Variants in DPP6 observed in about 807,000 individuals in gnomAD.
The protein encoded by DPP6 is A-type potassium channel modulatory protein DPP6.
DPP6 carries 69 observed loss-of-function variants against 122.6 expected under a neutral mutation model. The ratio of observed to expected loss-of-function variants is 0.56; its 90% CI spans 0.46 to 0.69. The LOEUF is 0.69. Among genes scored for constraint, DPP6 ranks in the 30% least tolerant of loss-of-function variants. The pLI, the probability that DPP6 is intolerant of heterozygous loss-of-function variation, is 0.00. For synonymous variants in DPP6, 418 were observed against 433.1 expected, an observed-to-expected ratio of 0.97 and a Z score of 0.43; for missense variants, 928 against 1,116.9, an observed-to-expected ratio of 0.83 and a Z score of 2.41.
At chr7:154,402,499 C>CA (rs1331224610) in intron 1 of DPP6, among the ~76,000 whole-genome samples, 1 of 148,002 alleles carries the variant, frequency 6.8e-6, no homozygotes, top group East Asian at 2.0e-4. Context: ...ATCGCAAGAA[C>CA]AAAAAACCAA....
chr7:153,784,398 C>T, the DPP6 span, among the ~76,000 whole-genome samples: 1 of 152,106 alleles, frequency 6.6e-6, no homozygotes, highest in Non-Finnish European at 1.5e-5. Context: ...GTTTATTCAG[C>T]CTTGTCCATT....
At chr7:154,652,036 C>T (rs1185374765) in intron 6 of DPP6, among the ~76,000 whole-genome samples, 1 of 152,146 alleles carries the variant, frequency 6.6e-6, no homozygotes, top group Non-Finnish European at 1.5e-5. Context: ...AGGTTGAGCT[C>T]TGTAGTGCGT....
intron 1 of DPP6, among the ~76,000 whole-genome samples, chr7:154,396,582 T>C (rs1039469578): frequency 6.6e-6 from 1 of 152,202 alleles, no homozygotes; most frequent in Non-Finnish European, 1.5e-5. Context: ...AGGATTGTAA[T>C]GAAGATTAAA....
At chr7:154,011,343 G>T (rs1030120445) in intron 1 of DPP6, among the ~76,000 whole-genome samples, 2 of 152,124 alleles carry the variant, frequency 1.3e-5, no homozygotes, top group African/African-American at 4.8e-5. Flanking sequence ...TTCAGCTGGC[G>T]TTTGCATCAG....
chr7:153,802,584 C>T, the DPP6 span, among the ~76,000 whole-genome samples: 2 of 152,098 alleles, frequency 1.3e-5, no homozygotes, highest in African/African-American at 4.8e-5. Flanking sequence ...CAAGTTATTA[C>T]ACTCCTTTAC....
intron 11 of DPP6, among the ~76,000 whole-genome samples, chr7:154,795,362 T>C: frequency 6.6e-6 from 1 of 152,316 alleles, no homozygotes; most frequent in Non-Finnish European, 1.5e-5. Flanking sequence ...CATAGACCAC[T>C]GTGAGACCCA....
intron 1 of DPP6, among the ~76,000 whole-genome samples, chr7:154,141,495 A>G (rs1795842181): frequency 6.6e-6 from 1 of 152,222 alleles, no homozygotes; most frequent in South Asian, 2.1e-4. Flanking sequence ...GTAGCTGCTC[A>G]GTACATACCA....
chr7:154,021,955 C>T (rs1798722661), intron 1 of DPP6, among the ~76,000 whole-genome samples: 1 of 152,170 alleles, frequency 6.6e-6, no homozygotes, highest in Non-Finnish European at 1.5e-5. Flanking sequence ...CTGGGCATCC[C>T]ATTGGCCGGT....
chr7:154,889,406 A>G (rs1204825145), intron 24 of DPP6, 51 bp from the exon 25 acceptor site: 6 of 1,601,556 alleles, frequency 3.7e-6, no homozygotes, highest in Admixed American at 3.4e-5. Flanking sequence ...TGATGGCACC[A>G]TGGGTTTTAA....
rs548243168 is a variant in DPP6, at chr7:154,172,595, CT to C, written c.243+119541del. 2.7e-3 allele frequency among the ~76,000 whole-genome samples: 391 copies of C among 145,170 alleles called. 2 individuals carry two copies. Among genetic ancestry groups the C allele is most frequent in the Non-Finnish European group, 4.2e-3 (283 of 67,086 alleles). ...CAAATGCAATTGTCTCTTCTAAAGT[CT>C]TTTTTTTTCTTTTTTTTTTTTTTTG... On this transcript the variant is annotated intron_variant, in intron 1 of 25. Transcript: ENST00000377770.
chr7:153,924,465 CAAT>C (rs1253625500), intron 1 of DPP6, among the ~76,000 whole-genome samples: 4 of 152,170 alleles, frequency 2.6e-5, no homozygotes, highest in East Asian at 1.9e-4. Flanking sequence ...ATGATGATGA[CAAT>C]GATGATGAAA....
At chr7:154,177,691 T>G (rs1797875291) in intron 1 of DPP6, among the ~76,000 whole-genome samples, 1 of 152,228 alleles carries the variant, frequency 6.6e-6, no homozygotes, top group South Asian at 2.1e-4. Context: ...TGGACTGGTC[T>G]TGAAGGAATG....
At position 154,877,299 on chromosome 7, in the gene DPP6, G is replaced by A. The variant is rs561619070; in HGVS notation, c.2078+1199G>A. 7.2e-5 allele frequency among the ~76,000 whole-genome samples: 11 copies of A among 152,246 alleles called. No individual in the cohort carries two copies. Among genetic ancestry groups the A allele is most frequent in the Non-Finnish European group, 1.6e-4 (11 of 68,016 alleles). ...CTTCAGAAACCCGTGTTGCAGCTGGGAAATACGGAGCGGGAGAGCTCTCAG... is the reference window on the plus strand; with the variant it reads ...CTTCAGAAACCCGTGTTGCAGCTGGAAAATACGGAGCGGGAGAGCTCTCAG... On this transcript the variant is annotated intron_variant, in intron 20 of 25. Transcript: ENST00000377770. The surrounding 1 kb of genome is among the most constrained non-coding windows in gnomAD (Gnocchi z 5.2).
rs771771598 is a variant in DPP6 at position 153,926,739 on chromosome 7, C to A, written c.51+39005C>A. Reference sequence around the variant, plus strand: ...AATCACTTGCCGATTAGAATTTCTCCCTATGTAGCATTCCATGAAATAAAC... The same window carrying A: ...AATCACTTGCCGATTAGAATTTCTCACTATGTAGCATTCCATGAAATAAAC... On this transcript the variant is annotated intron_variant, in intron 1 of 25. Coordinates refer to the DPP6 transcript ENST00000404039. 8.6e-5 allele frequency among the ~76,000 whole-genome samples: 13 copies of A among 151,828 alleles called. No individual in the cohort carries two copies. The South Asian group carries it at 1.2e-3, about 15-fold the overall frequency.
chr7:154,054,685 G>T (rs922218655), intron 1 of DPP6, among the ~76,000 whole-genome samples: 6 of 151,462 alleles, frequency 4.0e-5, no homozygotes, highest in Non-Finnish European at 7.4e-5. Flanking sequence ...AATTGGGGGA[G>T]GGTGAAGAGT....
At chr7:154,772,384 G>C (rs1796300331) in intron 9 of DPP6, among the ~76,000 whole-genome samples, 1 of 152,108 alleles carries the variant, frequency 6.6e-6, no homozygotes, top group African/African-American at 2.4e-5. Context: ...GTCCCCCAGA[G>C]AGTGGGGAAC....
At chr7:154,394,765 G>A (rs1038569361) in intron 1 of DPP6, among the ~76,000 whole-genome samples, 1 of 152,072 alleles carries the variant, frequency 6.6e-6, no homozygotes, top group African/African-American at 2.4e-5. Flanking sequence ...GTTAATTTTT[G>A]TATATAGTGT....
At chr7:154,721,024 C>G (rs979032032) in intron 7 of DPP6, among the ~76,000 whole-genome samples, 4 of 152,222 alleles carry the variant, frequency 2.6e-5, no homozygotes, top group African/African-American at 7.2e-5. Context: ...CCGTCCCCAC[C>G]TGGTTCTTCT....
At chr7:153,808,458 T>A in the DPP6 span, among the ~76,000 whole-genome samples, 2 of 151,952 alleles carry the variant, frequency 1.3e-5, no homozygotes, top group African/African-American at 2.4e-5. Context: ...TGTGTGTATG[T>A]GTGATGAGAA....
Sources: gnomAD v4.1 joint callset for allele counts (sites outside exome capture counted in the v4.1 genomes callset) on GRCh38, gnomAD v4.1.1 for gene constraint, Gnocchi (gnomAD v3.1) non-coding constraint, MANE v1.5 for transcripts, NCBI Gene and HGNC (gene_info 2026-07-23, HGNC 2026-07-21) for gene names.